The following EYA4 variants were observed in gnomAD, a reference collection of about 807,000 sequenced individuals.
The protein encoded by EYA4 is EYA transcriptional coactivator and phosphatase 4, also known as protein phosphatase EYA4.
Under a neutral mutation model 87.9 loss-of-function variants are expected in EYA4, and 31 were observed. The ratio of observed to expected loss-of-function variants is 0.35; its 90% confidence interval spans 0.27 to 0.48. The LOEUF is 0.48. EYA4 is among the 20% of genes least tolerant of loss of function. The pLI is 0.99. For missense variants in EYA4, 678 were observed against 761.4 expected, an observed-to-expected ratio of 0.89 and a Z score of 1.29; for synonymous variants, 263 against 270.6, an observed-to-expected ratio of 0.97 and a Z score of 0.28.
chr6:133,513,018 C>A lies in EYA4; in HGVS notation c.1481C>A (p.Thr494Asn). Reference protein sequence around the residue: ...RYRRVKELYNTYKNNVGGLLG... With the variant: ...RYRRVKELYNNYKNNVGGLLG... ...AGAAGAGTAAAAGAATTATATAACACCTACAAGAACAACGTTGGAGGTATG... is the reference window on the plus strand; with the variant it reads ...AGAAGAGTAAAAGAATTATATAACAACTACAAGAACAACGTTGGAGGTATG... The change falls in exon 16 of 20, where the codon ACC (threonine) becomes AAC (asparagine). Residue 494 changes from threonine to asparagine, a missense_variant. Coordinates refer to ENST00000355286, the MANE Select transcript of EYA4 (RefSeq NM_004100.5). The A allele has an allele frequency of 6.2e-7, 1 of 1,613,946 alleles. No individual in the cohort carries two copies. The highest frequency in any genetic ancestry group is 8.5e-7 in the Non-Finnish European group (1 of 1,179,926).
chr6:133,353,945 T>C (rs567798717), intron 2 of EYA4, among the ~76,000 whole-genome samples: 4 of 152,288 alleles, frequency 2.6e-5, no homozygotes, highest in African/African-American at 9.6e-5. Flanking sequence ...AAAAGTTGTT[T>C]GTTGATGGAA....
intron 12 of EYA4, 110 bp downstream of exon 12, chr6:133,481,709 C>G: frequency 7.9e-7 from 1 of 1,268,282 alleles, no homozygotes; most frequent in Non-Finnish European, 1.1e-6. Flanking sequence ...CAAGATATAT[C>G]ATGAATTGAA....
At chr6:133,495,768 T>C (rs986646870) in intron 13 of EYA4, among the ~76,000 whole-genome samples, 1 of 152,080 alleles carries the variant, frequency 6.6e-6, no homozygotes, top group Non-Finnish European at 1.5e-5. Flanking sequence ...GATTGCTGCG[T>C]TACAACCCAG....
chr6:133,313,242 TC>T (rs908139367), intron 2 of EYA4, among the ~76,000 whole-genome samples: 1 of 152,166 alleles, frequency 6.6e-6, no homozygotes, highest in South Asian at 2.1e-4. Context: ...AGGACATTGT[TC>T]CTCCTCCTGT....
chr6:133,397,549 C>T (rs1332375220), intron 3 of EYA4, among the ~76,000 whole-genome samples: 5 of 152,186 alleles, frequency 3.3e-5, no homozygotes, highest in Non-Finnish European at 4.4e-5. Flanking sequence ...TGGCTTTTCA[C>T]ATATTGATAA....
intron 19 of EYA4, 109 bp downstream of exon 19, chr6:133,525,363 A>G: frequency 1.1e-6 from 1 of 870,362 alleles, no homozygotes; most frequent in Non-Finnish European, 1.9e-6. Context: ...AAATTTATAG[A>G]TGCAAAGCAA....
chr6:133,365,882 G>A (rs1344555448), intron 2 of EYA4, among the ~76,000 whole-genome samples: 1 of 152,152 alleles, frequency 6.6e-6, no homozygotes, highest in Non-Finnish European at 1.5e-5. Flanking sequence ...ACTAAGAATT[G>A]GCTAGCTCTG....
At chr6:133,350,572 A>G (rs1783564511) in intron 2 of EYA4, among the ~76,000 whole-genome samples, 1 of 152,086 alleles carries the variant, frequency 6.6e-6, no homozygotes, top group South Asian at 2.1e-4. Flanking sequence ...CTTATTGTGC[A>G]TGGAGAACAG....
chr6:133,444,065 T>TA (rs1792567541), intron 3 of EYA4, among the ~76,000 whole-genome samples: 1 of 152,192 alleles, frequency 6.6e-6, no homozygotes, highest in Admixed American at 6.5e-5. Flanking sequence ...TTCCAAATCT[T>TA]ACGTGTATAT....
chr6:133,435,644 G>A (rs544767711), intron 3 of EYA4: 80 of 152,192 alleles, frequency 5.3e-4, no homozygotes, highest in African/African-American at 1.6e-3. Context: ...GAAATATGTC[G>A]GTTTAACATG....
chr6:133,297,534 G>C (rs1166289767), intron 2 of EYA4, among the ~76,000 whole-genome samples: 1 of 152,116 alleles, frequency 6.6e-6, no homozygotes, highest in East Asian at 1.9e-4. Flanking sequence ...ACTGTGATGT[G>C]ACCATCCCAC....
At chr6:133,468,443 G>T in intron 10 of EYA4, 123 bp from the exon 11 acceptor site, 1 of 805,606 alleles carries the variant, frequency 1.2e-6, no homozygotes, top group South Asian at 1.4e-5. Flanking sequence ...CCTCAAAGCT[G>T]TGGACTCAGA....
intron 1 of EYA4, among the ~76,000 whole-genome samples, chr6:133,273,122 G>T (rs1353817601): frequency 1.0e-5 from 1 of 96,262 alleles, no homozygotes; most frequent in Non-Finnish European, 2.0e-5. Flanking sequence ...TATATAAAGG[G>T]AAGTTTATTA....
At chr6:133,298,868 A>G (rs1185082942) in intron 2 of EYA4, among the ~76,000 whole-genome samples, 1 of 152,208 alleles carries the variant, frequency 6.6e-6, no homozygotes, top group Non-Finnish European at 1.5e-5. Context: ...ACCTTCATTG[A>G]CCGAATGCCT....
intron 1 of EYA4, among the ~76,000 whole-genome samples, chr6:133,243,902 G>A (rs11965057): frequency 3.9e-5 from 6 of 152,082 alleles, no homozygotes; most frequent in Non-Finnish European, 7.4e-5. Flanking sequence ...TGATTTTTAT[G>A]GCAACAATAT....
Position 133,523,119 on chromosome 6 carries a change from A to G in EYA4, c.1680A>G (p.Leu560=), listed in dbSNP as rs535466937. ...TGATCCCAGCACTTGCGAAGGTTCT[A>G]CTCTATAGTTTAGGAGGTGCTTTCC... The part of the protein sequence containing the change: ...TQLIPALAKV[L]LYSLGGAFPI... Residue 560 remains leucine, a synonymous_variant, in exon 18 of 20, where the codon CTA becomes CTG. Transcript: ENST00000355286. 3.7e-6 allele frequency: 6 copies of G among 1,612,270 alleles called. No homozygotes were observed. The African/African-American group carries it at 4.0e-5, about 11-fold the overall frequency.
intron 2 of EYA4, among the ~76,000 whole-genome samples, chr6:133,321,549 T>C (rs1013981942): frequency 1.3e-5 from 2 of 152,218 alleles, no homozygotes; most frequent in African/African-American, 2.4e-5. Flanking sequence ...GACAAGGAAC[T>C]TTCCCCCTTA....
chr6:133,494,080 C>T (rs951097323), intron 13 of EYA4, among the ~76,000 whole-genome samples: 1 of 152,150 alleles, frequency 6.6e-6, no homozygotes, highest in African/African-American at 2.4e-5. Context: ...TAGGTATATA[C>T]CCGACAGAAA....
In EYA4 at chr6:133,367,352, T is replaced by C. The variant is rs367610801; in HGVS notation, c.34-15040T>C. ...ATGGAGAGGGAGTAGACAAAGTAAATGTAAAGGATGCACCCCATGAAACTG... is the reference window on the plus strand; with the variant it reads ...ATGGAGAGGGAGTAGACAAAGTAAACGTAAAGGATGCACCCCATGAAACTG... On this transcript the variant is annotated intron_variant, in intron 2 of 19. Coordinates refer to ENST00000355286, the MANE Select transcript of EYA4 (RefSeq NM_004100.5). Among the ~76,000 whole-genome samples, 10 of 152,298 alleles carry C rather than the reference T, an allele frequency of 6.6e-5. 1 individual carries two copies. Among genetic ancestry groups the C allele is most frequent in the East Asian group, 3.9e-4 (2 of 5,186 alleles).
Sources: gnomAD v4.1 joint callset for allele counts (sites outside exome capture counted in the v4.1 genomes callset) on GRCh38, gnomAD v4.1.1 for gene constraint, MANE v1.5 for transcripts, NCBI Gene and HGNC (gene_info 2026-07-23, HGNC 2026-07-21) for gene names.